The following FANCA variants were observed in gnomAD, a reference collection of about 807,000 sequenced individuals.
FANCA encodes the protein Fanconi anemia group A protein.
FANCA carries 236 observed loss-of-function variants against 194.3 expected under a neutral mutation model. That is an observed-to-expected ratio of 1.21 (90% CI 1.09 to 1.35). FANCA has a LOEUF of 1.35. Among genes scored for constraint, FANCA ranks in the 40% most tolerant of loss-of-function variants. The pLI, the probability that FANCA is intolerant of heterozygous loss-of-function variation, is 0.00. For missense variants in FANCA, 2,628 were observed against 1,813.9 expected (o/e 1.45, Z -8.15); for synonymous variants, 1,014 against 715.8 (o/e 1.42, Z -6.65).
intron 13 of FANCA, 33 bp from the exon 14 acceptor site, chr16:89,791,569 G>A (rs541396583): frequency 1.9e-6 from 3 of 1,613,018 alleles, no homozygotes; most frequent in Non-Finnish European, 2.5e-6. Flanking sequence ...TCACAGCAAG[G>A]CAAGGGCAGC....
intron 37 of FANCA, 149 bp downstream of exon 37, chr16:89,742,651 T>TATAAAAA (rs2062163433): frequency 1.8e-6 from 1 of 557,008 alleles, no homozygotes; most frequent in African/African-American, 6.0e-5. Context: ...CTACTAAAAA[T>TATAAAAA]ACAAAAAAAA....
chr16:89,779,119 G>T, intron 18 of FANCA, 116 bp from the exon 19 acceptor site: 1 of 915,726 alleles, frequency 1.1e-6, no homozygotes, highest in Non-Finnish European at 1.7e-6. Context: ...AAGCCACGAT[G>T]CATTATGAAG....
chr16:89,803,367 T>C (rs1375866460), intron 7 of FANCA, 26 bp from the exon 8 acceptor site: 2 of 1,596,184 alleles, frequency 1.3e-6, no homozygotes, highest in South Asian at 2.2e-5. Flanking sequence ...ACCAAAGTTA[T>C]TTATGGACAT....
intron 30 of FANCA, among the ~76,000 whole-genome samples, chr16:89,757,289 T>A (rs1255069508): frequency 1.3e-5 from 2 of 152,076 alleles, no homozygotes; most frequent in Non-Finnish European, 2.9e-5. Context: ...AGAGTGGGAT[T>A]TAAGGTAACA....
intron 37 of FANCA, among the ~76,000 whole-genome samples, chr16:89,741,400 C>A (rs34515284): frequency 0.017 from 2,550 of 152,368 alleles, 44 homozygotes; most frequent in South Asian, 0.093. Context: ...ATCACCAAAA[C>A]CCTGGGCGCT....
chr16:89,772,090 C>G (rs545706181), intron 22 of FANCA, among the ~76,000 whole-genome samples: 1 of 152,210 alleles, frequency 6.6e-6, no homozygotes, highest in Admixed American at 6.5e-5. Flanking sequence ...ACATGAACCT[C>G]CCCATCTGAA....
At chr16:89,740,955 A>AT (rs1055152120) in intron 37 of FANCA, 89 bp from the exon 38 acceptor site, 18 of 1,197,418 alleles carry the variant, frequency 1.5e-5, no homozygotes, top group Non-Finnish European at 2.1e-5. Flanking sequence ...TTTAATTGAA[A>AT]TTTTTTACAT....
chr16:89,810,938 C>T lies in FANCA; in HGVS notation c.417G>A (p.Val139=). 6.2e-7 allele frequency: 1 copy of T among 1,614,136 alleles called. No individual in the cohort carries two copies. The highest frequency in any genetic ancestry group is 8.5e-7 in the Non-Finnish European group (1 of 1,180,042). The stretch of plus-strand genomic sequence containing the variant: ...TTTGCTGGTGTCTTACTCTCTGCTC[C>T]ACAGTCAGCAGCACAGGGTGACTGG... ...AETSHPVLLT[V]EQRKKLSSLL... is the part of the protein sequence containing the mutation. Residue 139 remains valine, a synonymous_variant, in exon 4 of 43, where the codon GTG becomes GTA. Coordinates refer to ENST00000389301, the MANE Select transcript of FANCA (RefSeq NM_000135.4).
rs1276716915 is a variant in FANCA at position 89,783,007 on chromosome 16, C to T, written c.1566G>A (p.Lys522=). 2 of 1,613,892 alleles carry T rather than the reference C, an allele frequency of 1.2e-6. No homozygotes were observed. The highest frequency in any genetic ancestry group is 2.7e-5 in the African/African-American group (2 of 74,916). ...SLAKTRLADL[K]VSIENMGLYE... ...GAGTGGGCATGGAGGGACAGCTTGCCTTGAGGTCGGCCAGCCGTGTCTTGG... is the reference window on the plus strand; with the variant it reads ...GAGTGGGCATGGAGGGACAGCTTGCTTTGAGGTCGGCCAGCCGTGTCTTGG... The change falls in exon 16 of 43, where the codon AAG becomes AAA. Residue 522 remains lysine, a splice_region_variant and synonymous_variant. Transcript: ENST00000389301.
At chr16:89,814,810 G>A (rs994606139) in intron 2 of FANCA, among the ~76,000 whole-genome samples, 197 bp from the exon 3 acceptor site, 5 of 151,980 alleles carry the variant, frequency 3.3e-5, no homozygotes, top group African/African-American at 7.2e-5. Context: ...GCATGGTGGC[G>A]CGTGCCTGTA....
At chr16:89,765,713 A>AT in intron 27 of FANCA, among the ~76,000 whole-genome samples, 1 of 152,332 alleles carries the variant, frequency 6.6e-6, no homozygotes, top group Non-Finnish European at 1.5e-5. Context: ...AGAGCCTCCC[A>AT]TGTTTATAAC....
At chr16:89,757,399 C>T (rs550873761) in intron 30 of FANCA, among the ~76,000 whole-genome samples, 1 of 152,278 alleles carries the variant, frequency 6.6e-6, no homozygotes, top group South Asian at 2.1e-4. Context: ...CTGTGAGCAT[C>T]AGTCAGCCAT....
chr16:89,779,423 T>A (rs1293565420), intron 18 of FANCA, among the ~76,000 whole-genome samples: 1 of 152,090 alleles, frequency 6.6e-6, no homozygotes, highest in African/African-American at 2.4e-5. Flanking sequence ...AGCTCTCTGT[T>A]ACTGACTCCA....
At position 89,738,476 on chromosome 16, in the gene FANCA, T is replaced by C. The variant is rs1432402286; in HGVS notation, c.*125A>G. ...GCCGGACAGTTCATAAATAATTGATTCCTTTCCCCACTAAAGCAGTCGAGG... is the reference window on the plus strand; with the variant it reads ...GCCGGACAGTTCATAAATAATTGATCCCTTTCCCCACTAAAGCAGTCGAGG... On this transcript the variant is annotated 3_prime_UTR_variant, in exon 43 of 43. Coordinates refer to ENST00000389301, the MANE Select transcript of FANCA (RefSeq NM_000135.4). The C allele has an allele frequency of 2.7e-6, 4 of 1,479,932 alleles. No homozygotes were observed. The African/African-American group carries it at 4.2e-5, about 15-fold the overall frequency. The allele number at this position is 1,479,932 out of a possible 1,614,324, so 91.7% of individuals were successfully genotyped here.
chr16:89,757,107 C>G (rs1257669134), intron 30 of FANCA, among the ~76,000 whole-genome samples: 1 of 152,114 alleles, frequency 6.6e-6, no homozygotes, highest in African/African-American at 2.4e-5. Context: ...TCACGAGTAG[C>G]TGGGACCATA....
intron 3 of FANCA, 31 bp downstream of exon 3, chr16:89,814,489 T>A (rs1316052241): frequency 1.3e-6 from 2 of 1,503,650 alleles, no homozygotes; most frequent in Admixed American, 3.4e-5. Context: ...CTTCTGCAAT[T>A]CAAAATAGAG....
At position 89,752,195 on chromosome 16, in the gene FANCA, A is replaced by C; in HGVS notation, c.3009T>G (p.Asn1003Lys). The C allele has an allele frequency of 6.2e-7, 1 of 1,614,118 alleles. No individual in the cohort carries two copies. The highest frequency in any genetic ancestry group is 8.5e-7 in the Non-Finnish European group (1 of 1,179,984). Residue 1003 changes from asparagine (N) to lysine (K), a missense_variant, in exon 31 of 43, where the codon AAT becomes AAG. Asn to Lys is a moderately conservative substitution (Grantham distance 94). Transcript: ENST00000389301. ...QSSRSYDHSE[N>K]SDLVFGGRTG... Reference sequence around the variant, plus strand: ...TGCGGCCACCAAAGACCAAATCAGAATTTTCTGAGTGGTCATAACTCCTTG... The same window carrying C: ...TGCGGCCACCAAAGACCAAATCAGACTTTTCTGAGTGGTCATAACTCCTTG...
At chr16:89,780,891 C>G (rs1295552942) in intron 17 of FANCA, among the ~76,000 whole-genome samples, 2 of 148,076 alleles carry the variant, frequency 1.4e-5, no homozygotes, top group African/African-American at 5.0e-5. Context: ...GATCACGGTA[C>G]TATACTTCAG....
At chr16:89,794,759 C>T (rs903110485) in intron 11 of FANCA, among the ~76,000 whole-genome samples, 2 of 152,116 alleles carry the variant, frequency 1.3e-5, no homozygotes, top group African/African-American at 4.8e-5. Flanking sequence ...AAGTGTTCAT[C>T]GTGGCCTTAT....
Sources: gnomAD v4.1 joint callset for allele counts (sites outside exome capture counted in the v4.1 genomes callset) on GRCh38, gnomAD v4.1.1 for gene constraint, MANE v1.5 for transcripts, NCBI Gene and HGNC (gene_info 2026-07-23, HGNC 2026-07-21) for gene names.